CDH13: variants seen among roughly 807,000 people sequenced by gnomAD.
CDH13 encodes the protein cadherin 13.
A neutral mutation model predicts 63.8 loss-of-function variants in CDH13; 24 were observed. The ratio of observed to expected loss-of-function variants is 0.38; its 90% CI spans 0.27 to 0.53. The LOEUF (loss-of-function observed/expected upper bound fraction) is 0.53. CDH13 is among the 20% of genes least tolerant of loss of function. CDH13 has a pLI of 0.85. For synonymous variants in CDH13, 503 were observed against 355.3 expected (o/e 1.42, Z -4.67); for missense variants, 1,049 against 903.1 (o/e 1.16, Z -2.07).
At position 83,060,432 on chromosome 16, in the gene CDH13, A is replaced by G. The variant is rs181097966; in HGVS notation, c.366+28214A>G. Among the ~76,000 whole-genome samples the G allele has an allele frequency of 8.5e-4, 129 of 152,322 alleles. 1 individual carries two copies. Among genetic ancestry groups the G allele is most frequent in the African/African-American group, 2.8e-3 (115 of 41,578 alleles). On this transcript the variant is annotated intron_variant, in intron 3 of 13. Coordinates refer to ENST00000567109, the MANE Select transcript of CDH13 (RefSeq NM_001257.5). ...TTGAAAAGACAAAGTGTGAAAGGGAAGAGAACTGTAGAGTCTTCCTGATGT... is the reference window on the plus strand; with the variant it reads ...TTGAAAAGACAAAGTGTGAAAGGGAGGAGAACTGTAGAGTCTTCCTGATGT...
intron 3 of CDH13, among the ~76,000 whole-genome samples, chr16:83,045,692 T>C (rs1048996935): frequency 2.1e-5 from 3 of 140,672 alleles, no homozygotes; most frequent in African/African-American, 7.9e-5. Flanking sequence ...GAAAAAAACA[T>C]CTCCAATGAT....
At chr16:83,113,258 G>C (rs1031389676) in intron 3 of CDH13, among the ~76,000 whole-genome samples, 4 of 152,228 alleles carry the variant, frequency 2.6e-5, no homozygotes, top group Admixed American at 2.6e-4. Context: ...ACTCTTATTA[G>C]AGAGAAGATT....
At chr16:82,906,068 A>G (rs551049704) in intron 2 of CDH13, among the ~76,000 whole-genome samples, 44 of 152,326 alleles carry the variant, frequency 2.9e-4, no homozygotes, top group African/African-American at 6.7e-4. Context: ...AATATCTGTC[A>G]TCGATCTATC....
intron 6 of CDH13, among the ~76,000 whole-genome samples, chr16:83,353,061 G>T (rs1348552494): frequency 6.6e-6 from 1 of 152,130 alleles, no homozygotes; most frequent in Non-Finnish European, 1.5e-5. Context: ...AGACTTTGGA[G>T]ACTCAGAAGG....
rs112581803 is a variant in CDH13 at position 83,258,620 on chromosome 16, A to G, written c.636+41123A>G. Among the ~76,000 whole-genome samples, 72 of 152,346 alleles carry G rather than the reference A, an allele frequency of 4.7e-4. 1 individual carries two copies. Among genetic ancestry groups the G allele is most frequent in the African/African-American group, 1.6e-3 (67 of 41,574 alleles). On this transcript the variant is annotated intron_variant, in intron 5 of 13. Transcript: ENST00000567109. The stretch of plus-strand genomic sequence containing the variant: ...GGCACTTTTCAGAGGTGGCCAACAC[A>G]TAGGTGCCAGGGACAATTAACAGAG...
At chr16:83,217,234 A>G (rs2039563161) in intron 4 of CDH13, 111 bp from the exon 5 acceptor site, 2 of 976,374 alleles carry the variant, frequency 2.0e-6, no homozygotes. Flanking sequence ...TTCACCAGGT[A>G]CCCATGTGCT....
chr16:82,691,511 T>C (rs1211987278), intron 1 of CDH13, among the ~76,000 whole-genome samples: 1 of 152,236 alleles, frequency 6.6e-6, no homozygotes, highest in Non-Finnish European at 1.5e-5. Context: ...TACTCATTAA[T>C]GCACCCTTTA....
At chr16:82,853,513 C>T (rs981920340) in intron 1 of CDH13, among the ~76,000 whole-genome samples, 1 of 152,136 alleles carries the variant, frequency 6.6e-6, no homozygotes, top group African/African-American at 2.4e-5. Flanking sequence ...GGGTGAGATA[C>T]CATTACTCCT....
chr16:83,576,201 CT>C (rs1905077077), intron 7 of CDH13, among the ~76,000 whole-genome samples: 1 of 152,212 alleles, frequency 6.6e-6, no homozygotes, highest in Non-Finnish European at 1.5e-5. Flanking sequence ...AAACAACCTC[CT>C]TTCTGTCTCT....
chr16:83,650,506 C>A (rs1404550569), intron 8 of CDH13, among the ~76,000 whole-genome samples: 1 of 152,206 alleles, frequency 6.6e-6, no homozygotes, highest in African/African-American at 2.4e-5. Flanking sequence ...GGAGACCTGA[C>A]ACACACATCT....
chr16:82,944,184 G>T (rs920497205), intron 2 of CDH13, among the ~76,000 whole-genome samples: 2 of 152,150 alleles, frequency 1.3e-5, no homozygotes, highest in Non-Finnish European at 2.9e-5. Flanking sequence ...ACCTTTCTTT[G>T]TCCAGCATGA....
intron 1 of CDH13, among the ~76,000 whole-genome samples, chr16:82,695,136 C>T (rs890385810): frequency 1.3e-5 from 2 of 151,982 alleles, no homozygotes; most frequent in Admixed American, 6.6e-5. Flanking sequence ...GATCCTGAAG[C>T]GGAGGCTGGT....
intron 8 of CDH13, among the ~76,000 whole-genome samples, chr16:83,626,538 C>G (rs376789230): frequency 5.9e-5 from 9 of 152,114 alleles, no homozygotes; most frequent in Non-Finnish European, 1.3e-4. Context: ...GTGTGGTTTC[C>G]AAACCTGGAC....
chr16:83,002,346 C>A (rs536051754), intron 2 of CDH13, among the ~76,000 whole-genome samples: 6 of 152,268 alleles, frequency 3.9e-5, no homozygotes. Context: ...GGCCTCAAGC[C>A]AAGAAACACC....
chr16:82,864,722 C>T (rs1009696762), intron 2 of CDH13, among the ~76,000 whole-genome samples: 21 of 152,180 alleles, frequency 1.4e-4, no homozygotes, highest in African/African-American at 5.1e-4. Context: ...TATTCCGCCC[C>T]TGGTTCCTCC....
chr16:83,404,414 T>A (rs1316222275), intron 6 of CDH13, among the ~76,000 whole-genome samples: 2 of 152,238 alleles, frequency 1.3e-5, no homozygotes, highest in African/African-American at 4.8e-5. Context: ...TGTCATTATA[T>A]CCTTGTCTCA....
intron 1 of CDH13, among the ~76,000 whole-genome samples, chr16:82,729,389 T>C (rs750557110): frequency 5.9e-5 from 9 of 152,286 alleles, no homozygotes; most frequent in Non-Finnish European, 1.2e-4. Context: ...GCGCAATAGA[T>C]GTTACATTAA....
intron 1 of CDH13, among the ~76,000 whole-genome samples, chr16:82,650,409 GC>G (rs1910589190): frequency 4.6e-5 from 7 of 152,154 alleles, no homozygotes; most frequent in Admixed American, 4.6e-4. Context: ...TCAACTCAGT[GC>G]CCTTTCTCTA....
intron 1 of CDH13, among the ~76,000 whole-genome samples, chr16:82,822,654 C>G (rs925972318): frequency 1.3e-5 from 2 of 152,110 alleles, no homozygotes; most frequent in African/African-American, 4.8e-5. Context: ...ACCGCCACAC[C>G]TGGCTAATTT....
Sources: gnomAD v4.1 joint callset for allele counts (sites outside exome capture counted in the v4.1 genomes callset) on GRCh38, gnomAD v4.1.1 for gene constraint, MANE v1.5 for transcripts, NCBI Gene and HGNC (gene_info 2026-07-23, HGNC 2026-07-21) for gene names.